The following EGFL7 variants were observed in gnomAD, a reference collection of about 807,000 sequenced individuals.
The protein encoded by EGFL7 is epidermal growth factor-like protein 7.
In EGFL7, 48 loss-of-function variants were observed where a neutral mutation model predicts 37.1. The ratio of observed to expected loss-of-function variants is 1.29; its 90% CI spans 1.03 to 1.65. The LOEUF (loss-of-function observed/expected upper bound fraction) is 1.65, where lower values mean the gene tolerates loss of function less well. Among genes scored for constraint, EGFL7 ranks in the 40% most tolerant of loss-of-function variants. The pLI, the probability that EGFL7 is intolerant of heterozygous loss-of-function variation, is 0.00. For missense variants in EGFL7, 384 were observed against 378.9 expected (o/e 1.01, Z -0.11); for synonymous variants, 180 against 156.8 (o/e 1.15, Z -1.10).
Position 136,672,435 on chromosome 9 carries a change from T to A in EGFL7, c.*149T>A. 1.1e-6 allele frequency: 1 copy of A among 924,010 alleles called. No homozygotes were observed. The highest frequency in any genetic ancestry group is 1.7e-6 in the Non-Finnish European group (1 of 597,984). The allele number at this position is 924,010 out of a possible 1,614,324, so 57.2% of individuals were successfully genotyped here. On this transcript the variant is annotated 3_prime_UTR_variant, in exon 11 of 11. Coordinates refer to ENST00000308874, the MANE Select transcript of EGFL7 (RefSeq NM_016215.5). ...TTCCTCCTCTTCCTCCTCCCCTTCCTCGGGAGGCTCCCCAGACCCTGGCAT... is the reference window on the plus strand; with the variant it reads ...TTCCTCCTCTTCCTCCTCCCCTTCCACGGGAGGCTCCCCAGACCCTGGCAT...
At chr9:136,667,187 G>T (rs1845533565) in intron 3 of EGFL7, among the ~76,000 whole-genome samples, 1 of 152,204 alleles carries the variant, frequency 6.6e-6, no homozygotes, top group African/African-American at 2.4e-5. Context: ...CTGAGGAGGG[G>T]CCTCAGAGAC....
At chr9:136,670,848 CCTGAGT>C in intron 8 of EGFL7, 96 bp from the exon 9 acceptor site, 1 of 1,145,562 alleles carries the variant, frequency 8.7e-7, no homozygotes. Context: ...GAGGCCTGGG[CCTGAGT>C]CTTCTGGCTC....
rs911960982 is a variant in EGFL7, at chr9:136,670,957, C to T, written c.579C>T (p.Asp193=). The change falls in exon 9 of 11, where the codon GAC becomes GAT. Residue 193 remains aspartate, a synonymous_variant. Transcript: ENST00000308874. ...GCCTGGCTCTGCCCGCAGGAGTGGA[C>T]AGTGCAATGAAGGAAGAAGTGCAGA... ...PRVAPNPTGV[D]SAMKEEVQRL... 4.0e-6 allele frequency: 6 copies of T among 1,510,156 alleles called. No homozygotes were observed. The Admixed American group carries it at 1.2e-4, about 31-fold the overall frequency. 93.5% of individuals were successfully genotyped at this position (1,510,156 alleles called of 1,614,324 possible). A position where few individuals can be genotyped will look rare whatever the true frequency, so the allele number is the denominator to read the frequency against.
upstream of EGFL7, among the ~76,000 whole-genome samples, chr9:136,662,263 T>C (rs1588219195): frequency 6.6e-6 from 1 of 152,196 alleles, no homozygotes; most frequent in African/African-American, 2.4e-5. Flanking sequence ...GCTCACAGCC[T>C]CACTGGCAGC....
intron 9 of EGFL7, 69 bp from the exon 10 acceptor site, chr9:136,671,857 C>T: frequency 7.0e-7 from 1 of 1,427,636 alleles, no homozygotes; most frequent in Non-Finnish European, 9.2e-7. Context: ...CCCAGGGGTC[C>T]TCCCTAGACC....
At chr9:136,670,135 C>T (rs1403635652) in intron 7 of EGFL7, 34 bp from the exon 8 acceptor site, 1 of 1,612,222 alleles carries the variant, frequency 6.2e-7, no homozygotes. Flanking sequence ...ACCCCTCCCG[C>T]AGGCATGGCC....
At chr9:136,662,465 T>G (rs1845207685), upstream of EGFL7, among the ~76,000 whole-genome samples, 1 of 152,212 alleles carries the variant, frequency 6.6e-6, no homozygotes, top group South Asian at 2.1e-4. Context: ...GGTCCCTGCC[T>G]TGGCCTGGGG....
rs898572835 is a variant in EGFL7, at chr9:136,666,145, G to A, written c.-43+1360G>A. 1.0e-4 allele frequency among the ~76,000 whole-genome samples: 15 copies of A among 149,420 alleles called. No homozygotes were observed. The highest frequency in any genetic ancestry group is 3.4e-4 in the African/African-American group (14 of 41,156). On this transcript the variant is annotated intron_variant, in intron 3 of 10. Coordinates refer to ENST00000308874, the MANE Select transcript of EGFL7 (RefSeq NM_016215.5). This position sits in a 1 kb window ranked among gnomAD's most constrained non-coding sequence, Gnocchi z 6.8. ...CCGACCCGGCGCGACTCAGCGCCTC[G>A]GGGCCCAGCCTGTGCCGCCTGCTCC...
Position 136,670,938 on chromosome 9 carries a change from C to G in EGFL7, c.572-12C>G, listed in dbSNP as rs1197712318. 5 of 1,521,466 alleles carry G rather than the reference C, an allele frequency of 3.3e-6. No individual in the cohort carries two copies. The highest frequency in any genetic ancestry group is 2.0e-5 in the Admixed American group (1 of 50,212). 94.2% of individuals were successfully genotyped at this position (1,521,466 alleles called of 1,614,324 possible). On this transcript the variant is annotated splice_polypyrimidine_tract_variant and intron_variant, in intron 8 of 10. Coordinates refer to ENST00000308874, the MANE Select transcript of EGFL7 (RefSeq NM_016215.5). Reference sequence around the variant, plus strand: ...CGGCCGGCCGTGACCCAGCGCCTGGCTCTGCCCGCAGGAGTGGACAGTGCA... The same window carrying G: ...CGGCCGGCCGTGACCCAGCGCCTGGGTCTGCCCGCAGGAGTGGACAGTGCA...
chr9:136,666,484 G>A lies in EGFL7; in HGVS notation c.-43+1699G>A, dbSNP rs576009862. ...CGCCCGGCACCCCTGGGTCGAGGCCGTGGCCCCCCCCGGGGAAATGGGGCT... is the reference window on the plus strand; with the variant it reads ...CGCCCGGCACCCCTGGGTCGAGGCCATGGCCCCCCCCGGGGAAATGGGGCT... On this transcript the variant is annotated intron_variant, in intron 3 of 10. Transcript: ENST00000308874. The surrounding 1 kb of genome is among the most constrained non-coding windows in gnomAD (Gnocchi z 6.8). 1.5e-3 allele frequency among the ~76,000 whole-genome samples: 224 copies of A among 152,180 alleles called. 1 individual carries two copies. Among genetic ancestry groups the A allele is most frequent in the African/African-American group, 4.0e-3 (165 of 41,550 alleles).
intron 9 of EGFL7, among the ~76,000 whole-genome samples, chr9:136,671,538 C>CGGAA (rs1395822189): frequency 1.3e-5 from 2 of 151,806 alleles, no homozygotes; most frequent in African/African-American, 4.8e-5. Context: ...GACCAGGACC[C>CGGAA]CCCAGGGCCG....
rs1564280712 is a variant in EGFL7 at position 136,669,919 on chromosome 9, T to G, written c.319T>G (p.Cys107Gly). 2.5e-6 allele frequency: 4 copies of G among 1,592,944 alleles called. No homozygotes were observed. The highest frequency in any genetic ancestry group is 3.4e-6 in the Non-Finnish European group (4 of 1,170,776). ...GLPGACGAAICQPPCRNGGSC... is the reference protein window; with the variant it reads ...GLPGACGAAIGQPPCRNGGSC... ...CCAGCCTCCCCCGCCCACAGCAATATGCCAGCCGCCATGCCGGAACGGAGG... is the reference window on the plus strand; with the variant it reads ...CCAGCCTCCCCCGCCCACAGCAATAGGCCAGCCGCCATGCCGGAACGGAGG... Residue 107 changes from cysteine to glycine, a missense_variant, in exon 7 of 11, where the codon TGC becomes GGC. Physicochemically the swap from Cys to Gly is radical, Grantham distance 159. Transcript: ENST00000308874.
chr9:136,668,511 G>A (rs1195146800), intron 4 of EGFL7, 46 bp from the exon 5 acceptor site: 1 of 1,585,628 alleles, frequency 6.3e-7, no homozygotes, highest in Admixed American at 1.7e-5. Flanking sequence ...TCATTCTTGG[G>A]TCCTGCTCTG....
rs539258441 is a variant in EGFL7 at position 136,666,447 on chromosome 9, C to G, written c.-43+1662C>G. On this transcript the variant is annotated intron_variant, in intron 3 of 10. Transcript: ENST00000308874. This position sits in a 1 kb window ranked among gnomAD's most constrained non-coding sequence, Gnocchi z 6.8. Reference sequence around the variant, plus strand: ...CGGACTGCTGGTCCACCTGGCGCCGCCGCCCCCTCCCCGCCCGGCACCCCT... The same window carrying G: ...CGGACTGCTGGTCCACCTGGCGCCGGCGCCCCCTCCCCGCCCGGCACCCCT... Among the ~76,000 whole-genome samples the G allele has an allele frequency of 2.4e-3, 361 of 152,192 alleles. 4 individuals are homozygous for G. The East Asian group carries it at 0.025, about 11-fold the overall frequency.
chr9:136,671,870 G>C (rs908238691), intron 9 of EGFL7, 56 bp from the exon 10 acceptor site: 4 of 1,445,978 alleles, frequency 2.8e-6, no homozygotes, highest in East Asian at 2.5e-5. Flanking sequence ...CCTAGACCCC[G>C]GTGGAGCAGA....
At position 136,666,061 on chromosome 9, in the gene EGFL7, C is replaced by CCGG. The variant is rs1845452626; in HGVS notation, c.-43+1283_-43+1285dup. Among the ~76,000 whole-genome samples the CCGG allele has an allele frequency of 6.8e-6, 1 of 146,132 alleles. No homozygotes were observed. Among genetic ancestry groups the CCGG allele is most frequent in the South Asian group, 2.1e-4 (1 of 4,814 alleles). On this transcript the variant is annotated intron_variant, in intron 3 of 10. Coordinates refer to ENST00000308874, the MANE Select transcript of EGFL7 (RefSeq NM_016215.5). The surrounding 1 kb of genome is among the most constrained non-coding windows in gnomAD (Gnocchi z 6.8). Reference sequence around the variant, plus strand: ...CGGCCCCGGGAACCGGCTCCCCCTGCCGGCGGCGGGCGGGCGGGCGGCGCG... The same window carrying CCGG: ...CGGCCCCGGGAACCGGCTCCCCCTGCCGGCGGCGGCGGGCGGGCGGGCGGCGCG...
Position 136,672,020 on chromosome 9 carries a change from T to G in EGFL7, c.731T>G (p.Phe244Cys). The stretch of plus-strand genomic sequence containing the variant: ...CCCGGCAGCCTCCTGGTGCACTCCT[T>G]CCAGCAGCTCGGCCGCATCGACTCC... ...PDPGSLLVHSFQQLGRIDSLS... is the reference protein window; with the variant it reads ...PDPGSLLVHSCQQLGRIDSLS... The change falls in exon 10 of 11, where the codon TTC becomes TGC. Residue 244 changes from phenylalanine (F) to cysteine (C), a missense_variant. By Grantham distance (205) the Phe-to-Cys change is radical. Coordinates refer to ENST00000308874, the MANE Select transcript of EGFL7 (RefSeq NM_016215.5). The G allele has an allele frequency of 6.5e-7, 1 of 1,544,640 alleles. No homozygotes were observed. Among genetic ancestry groups the G allele is most frequent in the Non-Finnish European group, 8.7e-7 (1 of 1,146,812 alleles).
At chr9:136,671,677 C>T (rs923867727) in intron 9 of EGFL7, among the ~76,000 whole-genome samples, 2 of 152,072 alleles carry the variant, frequency 1.3e-5, no homozygotes, top group Admixed American at 6.5e-5. Context: ...GGCCAGTGGT[C>T]CAGCTGTCCC....
rs775969119 is a variant in EGFL7 at position 136,670,959 on chromosome 9, G to A, written c.581G>A (p.Ser194Asn). The change falls in exon 9 of 11, where the codon AGT (serine) becomes AAT (asparagine). Residue 194 changes from serine to asparagine, a missense_variant. Ser to Asn is a conservative substitution (Grantham distance 46, BLOSUM62 1). Transcript: ENST00000308874. ...RVAPNPTGVD[S>N]AMKEEVQRLQ... ...CTGGCTCTGCCCGCAGGAGTGGACA[G>A]TGCAATGAAGGAAGAAGTGCAGAGG... The A allele has an allele frequency of 4.0e-6, 6 of 1,515,676 alleles. No homozygotes were observed. Among genetic ancestry groups the A allele is most frequent in the East Asian group, 7.3e-5 (2 of 27,366 alleles). The allele number at this position is 1,515,676 out of a possible 1,614,324, so 93.9% of individuals were successfully genotyped here.
Sources: gnomAD v4.1 joint callset for allele counts (sites outside exome capture counted in the v4.1 genomes callset) on GRCh38, gnomAD v4.1.1 for gene constraint, Gnocchi (gnomAD v3.1) non-coding constraint, MANE v1.5 for transcripts, NCBI Gene and HGNC (gene_info 2026-07-23, HGNC 2026-07-21) for gene names.